WWOX: variants seen among roughly 807,000 people sequenced by gnomAD.
The protein encoded by WWOX is WW domain-containing oxidoreductase.
A neutral mutation model predicts 46.2 loss-of-function variants in WWOX; 69 were observed. The ratio of observed to expected loss-of-function variants is 1.49; its 90% CI spans 1.23 to 1.82. The LOEUF (loss-of-function observed/expected upper bound fraction) is 1.82. Ranked by LOEUF, WWOX falls within the 40% of genes most tolerant of loss-of-function variation. WWOX has a pLI of 0.00. For missense variants in WWOX, 919 were observed against 542.6 expected (o/e 1.69, Z -6.89); for synonymous variants, 359 against 202.6 (o/e 1.77, Z -6.56).
At chr16:79,117,587 C>G (rs538189566) in intron 8 of WWOX, among the ~76,000 whole-genome samples, 1 of 152,342 alleles carries the variant, frequency 6.6e-6, no homozygotes, top group African/African-American at 2.4e-5. Context: ...CTTCTCCTCC[C>G]TAGCTCTCAA....
intron 8 of WWOX, among the ~76,000 whole-genome samples, chr16:78,779,958 A>C (rs1320919275): frequency 6.6e-6 from 1 of 152,198 alleles, no homozygotes; most frequent in African/African-American, 2.4e-5. Flanking sequence ...AAGCTACCAG[A>C]CCAAGCCCTT....
At chr16:78,943,673 C>T (rs558037250) in intron 8 of WWOX, among the ~76,000 whole-genome samples, 3 of 152,236 alleles carry the variant, frequency 2.0e-5, no homozygotes, top group Non-Finnish European at 4.4e-5. Flanking sequence ...GAGTGTAGGA[C>T]ACTGGAAAAG....
intron 5 of WWOX, among the ~76,000 whole-genome samples, chr16:78,339,120 C>G (rs1267004342): frequency 8.4e-6 from 1 of 119,650 alleles, no homozygotes; most frequent in Non-Finnish European, 2.0e-5. Flanking sequence ...TGCATCATAT[C>G]CATATAGTGA....
At chr16:78,186,122 G>C (rs1387849482) in intron 5 of WWOX, among the ~76,000 whole-genome samples, 1 of 152,068 alleles carries the variant, frequency 6.6e-6, no homozygotes, top group East Asian at 1.9e-4. Flanking sequence ...CCAGGTTTCA[G>C]ACAGTATAAA....
At chr16:78,110,051 A>AAGT (rs761383039) in intron 3 of WWOX, among the ~76,000 whole-genome samples, 2 of 151,914 alleles carry the variant, frequency 1.3e-5, no homozygotes, top group Non-Finnish European at 2.9e-5. Context: ...TAAAAAAAAA[A>AAGT]AGTAGGGAGG....
At chr16:78,815,318 C>G (rs2051300838) in intron 8 of WWOX, among the ~76,000 whole-genome samples, 1 of 149,540 alleles carries the variant, frequency 6.7e-6, no homozygotes, top group Admixed American at 6.7e-5. Flanking sequence ...GAATGAAACT[C>G]TGTCTCGAGA....
intron 8 of WWOX, among the ~76,000 whole-genome samples, chr16:78,484,447 T>G (rs2084579545): frequency 6.6e-6 from 1 of 152,210 alleles, no homozygotes; most frequent in Non-Finnish European, 1.5e-5. Flanking sequence ...ATACCCTACC[T>G]GAGCTATTAG....
chr16:78,799,533 A>G (rs1341039758), intron 8 of WWOX, among the ~76,000 whole-genome samples: 1 of 152,170 alleles, frequency 6.6e-6, no homozygotes, highest in African/African-American at 2.4e-5. Flanking sequence ...TTAGACCCCA[A>G]AAGTCCACTC....
At chr16:78,267,605 A>G (rs1324510936) in intron 5 of WWOX, among the ~76,000 whole-genome samples, 3 of 152,198 alleles carry the variant, frequency 2.0e-5, no homozygotes, top group Non-Finnish European at 4.4e-5. Context: ...CTTGGCAGCG[A>G]AATCCAGGCA....
chr16:78,186,694 G>A (rs1256208852), intron 5 of WWOX, among the ~76,000 whole-genome samples: 2 of 152,226 alleles, frequency 1.3e-5, no homozygotes, highest in Non-Finnish European at 2.9e-5. Context: ...GAACTTGGGA[G>A]GCAGAGGTTG....
At chr16:78,182,813 T>G (rs576567796) in intron 5 of WWOX, among the ~76,000 whole-genome samples, 205 of 151,934 alleles carry the variant, frequency 1.3e-3, no homozygotes, top group African/African-American at 4.8e-3. Context: ...TAGCAGGGCA[T>G]GGTGGCGGGT....
intron 5 of WWOX, among the ~76,000 whole-genome samples, chr16:78,231,449 C>G (rs370023198): frequency 3.3e-5 from 5 of 152,186 alleles, no homozygotes; most frequent in African/African-American, 1.2e-4. Context: ...GAAATCCGCT[C>G]TCAGGTGGCC....
chr16:78,466,947 TAA>T (rs2084093769), intron 8 of WWOX, among the ~76,000 whole-genome samples: 1 of 86,092 alleles, frequency 1.2e-5, no homozygotes, highest in African/African-American at 6.7e-5. Flanking sequence ...TAATGCCCAG[TAA>T]AGTAAACAGA....
chr16:78,692,818 C>T (rs2048020572), intron 8 of WWOX, among the ~76,000 whole-genome samples: 1 of 152,134 alleles, frequency 6.6e-6, no homozygotes, highest in Non-Finnish European at 1.5e-5. Flanking sequence ...CATTGGAAAC[C>T]AAGGCATATT....
chr16:78,952,928 G>T (rs181091926), intron 8 of WWOX, among the ~76,000 whole-genome samples: 11 of 152,254 alleles, frequency 7.2e-5, no homozygotes, highest in South Asian at 2.1e-4. Context: ...CCTGAAGCTG[G>T]CTCAGAAGAT....
chr16:78,817,731 C>T (rs190037687), intron 8 of WWOX, among the ~76,000 whole-genome samples: 485 of 152,276 alleles, frequency 3.2e-3, no homozygotes, highest in Non-Finnish European at 5.6e-3. Context: ...TTCCCAGGAC[C>T]TCTTCGGGTC....
intron 8 of WWOX, among the ~76,000 whole-genome samples, chr16:78,540,991 A>T (rs1343182151): frequency 6.6e-6 from 1 of 152,124 alleles, no homozygotes; most frequent in Non-Finnish European, 1.5e-5. Context: ...TAGGTCCCCC[A>T]CTATTAATAA....
At chr16:78,190,565 T>A (rs1415166498) in intron 5 of WWOX, among the ~76,000 whole-genome samples, 3 of 152,150 alleles carry the variant, frequency 2.0e-5, no homozygotes, top group Non-Finnish European at 2.9e-5. Flanking sequence ...TCCAGCCAAC[T>A]CTATTGTGCA....
Position 78,637,473 on chromosome 16 carries a change from G to A in WWOX, c.1056+204721G>A, listed in dbSNP as rs7199431. 8.3e-3 allele frequency among the ~76,000 whole-genome samples: 1,264 copies of A among 151,822 alleles called. 17 individuals carry two copies. The highest frequency in any genetic ancestry group is 0.028 in the African/African-American group (1,157 of 41,406). ...AAAAAAAAATTGTTTCTGGCCCCAC[G>A]TTACAGATGAGGCTTTTAAAGATAC... On this transcript the variant is annotated intron_variant, in intron 8 of 8. Coordinates refer to ENST00000566780, the MANE Select transcript of WWOX (RefSeq NM_016373.4).
Sources: allele counts gnomAD v4.1 joint callset (sites outside exome capture counted in the v4.1 genomes callset), GRCh38; gene constraint gnomAD v4.1.1; transcripts MANE v1.5; gene names NCBI Gene and HGNC (gene_info 2026-07-23, HGNC 2026-07-21).